ATP6V1E1: variants seen among roughly 807,000 people sequenced by gnomAD.
The protein encoded by ATP6V1E1 is ATPase H+ transporting V1 subunit E1.
A neutral mutation model predicts 35.2 loss-of-function variants in ATP6V1E1; 21 were observed. That is an observed-to-expected ratio of 0.60 (90% confidence interval 0.42 to 0.86). The LOEUF (loss-of-function observed/expected upper bound fraction) is 0.86. Among genes scored for constraint, ATP6V1E1 ranks in the 40% least tolerant of loss-of-function variants. The pLI, the probability that ATP6V1E1 is intolerant of heterozygous loss-of-function variation, is 0.00. For synonymous variants in ATP6V1E1, 83 were observed against 87.8 expected (o/e 0.95, Z 0.30); for missense variants, 183 against 272.6 (o/e 0.67, Z 2.32).
chr22:17,615,807 C>T (rs1329393696), intron 2 of ATP6V1E1, among the ~76,000 whole-genome samples: 1 of 151,710 alleles, frequency 6.6e-6, no homozygotes, highest in Non-Finnish European at 1.5e-5. Flanking sequence ...CTGAGGTGGG[C>T]AGATCGTGAG....
intron 4 of ATP6V1E1, 51 bp from the exon 5 acceptor site, chr22:17,601,232 T>C: frequency 3.4e-6 from 5 of 1,485,462 alleles, no homozygotes; most frequent in Non-Finnish European, 3.7e-6. Flanking sequence ...GGCAGTCGGC[T>C]CAGAACCCAC....
intron 1 of ATP6V1E1, among the ~76,000 whole-genome samples, chr22:17,626,325 A>AAAAAAAAAAAAAAAAAAAAAAAG (rs1555864859): frequency 8.1e-6 from 1 of 122,906 alleles, no homozygotes; most frequent in Non-Finnish European, 1.6e-5. Context: ...AAAAAAAAAA[A>AAAAAAAAAAAAAAAAAAAAAAAG]AAAGAAAGAA....
chr22:17,613,131 T>C (rs1324461924), intron 3 of ATP6V1E1, 80 bp downstream of exon 3: 3 of 1,237,122 alleles, frequency 2.4e-6, no homozygotes, highest in Admixed American at 4.7e-5. Flanking sequence ...GACCTGAATT[T>C]ATATATGCCT....
chr22:17,628,350 G>C (rs1391829337), intron 1 of ATP6V1E1, among the ~76,000 whole-genome samples: 1 of 152,254 alleles, frequency 6.6e-6, no homozygotes, highest in Non-Finnish European at 1.5e-5. Flanking sequence ...GCTGAGGTGG[G>C]AGGCAAAGAG....
intron 2 of ATP6V1E1, chr22:17,619,037 T>C (rs1176050793): frequency 4.4e-6 from 2 of 454,456 alleles, no homozygotes; most frequent in African/African-American, 4.0e-5. Context: ...CTCATACCTG[T>C]AATCCCAGCA....
chr22:17,593,760 G>A (rs2057716873), intron 8 of ATP6V1E1, among the ~76,000 whole-genome samples: 1 of 152,156 alleles, frequency 6.6e-6, no homozygotes, highest in Non-Finnish European at 1.5e-5. Flanking sequence ...TAACTAGGTT[G>A]GCAGCCACAG....
At chr22:17,596,531 G>A (rs1243021090) in intron 7 of ATP6V1E1, among the ~76,000 whole-genome samples, 1 of 151,990 alleles carries the variant, frequency 6.6e-6, no homozygotes, top group African/African-American at 2.4e-5. Context: ...CTCACCAGAT[G>A]CAGCTGTCCA....
At chr22:17,607,864 T>TA (rs2057794112) in intron 4 of ATP6V1E1, among the ~76,000 whole-genome samples, 1 of 152,138 alleles carries the variant, frequency 6.6e-6, no homozygotes, top group Non-Finnish European at 1.5e-5. Context: ...CCATTAAAGT[T>TA]AGAGAATTAG....
At chr22:17,622,246 G>A (rs2057881136) in intron 1 of ATP6V1E1, among the ~76,000 whole-genome samples, 1 of 150,626 alleles carries the variant, frequency 6.6e-6, no homozygotes. Flanking sequence ...TGAGTACAGG[G>A]ATCTTGTCTT....
chr22:17,614,291 A>G (rs5747271), intron 2 of ATP6V1E1, among the ~76,000 whole-genome samples: 52,661 of 151,662 alleles, frequency 0.35, 9,472 homozygotes, highest in African/African-American at 0.41. Flanking sequence ...CGGAGGTTGC[A>G]GTGAGCCGAG....
chr22:17,609,629 C>T (rs1434832013), intron 4 of ATP6V1E1, among the ~76,000 whole-genome samples: 3 of 151,778 alleles, frequency 2.0e-5, no homozygotes, highest in African/African-American at 4.8e-5. Context: ...CCACCACGCC[C>T]GGCTAATTTT....
At chr22:17,608,319 C>CA (rs1483479372) in intron 4 of ATP6V1E1, among the ~76,000 whole-genome samples, 1 of 152,214 alleles carries the variant, frequency 6.6e-6, no homozygotes, top group Non-Finnish European at 1.5e-5. Context: ...CAGACAAACT[C>CA]AGAGTGACTA....
Position 17,592,357 on chromosome 22 carries a change from C to A in ATP6V1E1, c.*317G>T. 1 of 368,486 alleles carries A rather than the reference C, an allele frequency of 2.7e-6. No individual in the cohort carries two copies. Among genetic ancestry groups the A allele is most frequent in the African/African-American group, 2.1e-5 (1 of 48,384 alleles). The allele number at this position is 368,486 out of a possible 1,614,324, so 22.8% of individuals were successfully genotyped here. A position where few individuals can be genotyped will look rare whatever the true frequency, so the allele number is the denominator to read the frequency against. On this transcript the variant is annotated 3_prime_UTR_variant, in exon 9 of 9. Coordinates refer to ENST00000253413, the MANE Select transcript of ATP6V1E1 (RefSeq NM_001696.4). ...CAGGGCCAAACACCAAATACATCAC[C>A]TTTAGGCCAGACGGAGAGTGGAGAC... is the stretch of plus-strand genomic sequence containing the variant.
At chr22:17,615,151 A>C (rs1408728175) in intron 2 of ATP6V1E1, among the ~76,000 whole-genome samples, 1 of 151,334 alleles carries the variant, frequency 6.6e-6, no homozygotes, top group African/African-American at 2.4e-5. Flanking sequence ...AAATACAAAA[A>C]TTAGCCAGGC....
intron 7 of ATP6V1E1, among the ~76,000 whole-genome samples, chr22:17,596,428 T>C (rs919274108): frequency 6.6e-6 from 1 of 152,062 alleles, no homozygotes; most frequent in Non-Finnish European, 1.5e-5. Flanking sequence ...TCTGGTTCCC[T>C]AGGCTCTCTG....
intron 4 of ATP6V1E1, among the ~76,000 whole-genome samples, chr22:17,609,496 T>C: frequency 9.0e-6 from 1 of 111,460 alleles, no homozygotes; most frequent in African/African-American, 3.6e-5. Flanking sequence ...TGAGACGGAG[T>C]CTGGCTCTGT....
chr22:17,603,602 C>G (rs1272250118), intron 4 of ATP6V1E1, among the ~76,000 whole-genome samples: 3 of 152,124 alleles, frequency 2.0e-5, no homozygotes, highest in Non-Finnish European at 2.9e-5. Context: ...TTACTTAAAC[C>G]CAGAGTTTGA....
rs1013813124 is a variant in ATP6V1E1, at chr22:17,593,285, C to CA, written c.619-550dup. Among the ~76,000 whole-genome samples, 249 of 139,550 alleles carry CA rather than the reference C, an allele frequency of 1.8e-3. 1 individual carries two copies. Among genetic ancestry groups the CA allele is most frequent in the South Asian group, 0.012 (57 of 4,748 alleles). 91.6% of individuals were successfully genotyped at this position (139,550 alleles called of 152,430 possible). On this transcript the variant is annotated intron_variant, in intron 8 of 8. Coordinates refer to ENST00000253413, the MANE Select transcript of ATP6V1E1 (RefSeq NM_001696.4). The stretch of plus-strand genomic sequence containing the variant: ...AGGGACACATTAAAAAAAAACAAAA[C>CA]AAAAAAAAACCTAAAGTCACTACTA...
chr22:17,601,557 C>A (rs1238545236), intron 4 of ATP6V1E1, among the ~76,000 whole-genome samples: 1 of 152,064 alleles, frequency 6.6e-6, no homozygotes, highest in Non-Finnish European at 1.5e-5. Context: ...GGCTATGGAT[C>A]GAAATACGAA....
Sources: gnomAD v4.1 joint callset for allele counts (sites outside exome capture counted in the v4.1 genomes callset) on GRCh38, gnomAD v4.1.1 for gene constraint, MANE v1.5 for transcripts, NCBI Gene and HGNC (gene_info 2026-07-23, HGNC 2026-07-21) for gene names.